USH2A: variants seen among roughly 807,000 people sequenced by gnomAD.
The protein encoded by USH2A is usherin.
In USH2A, 443 loss-of-function variants were observed where a neutral mutation model predicts 538.9. The ratio of observed to expected loss-of-function variants is 0.82; its 90% confidence interval spans 0.76 to 0.89. USH2A has a LOEUF of 0.89. Ranked by LOEUF, USH2A falls within the 40% of genes least tolerant of loss-of-function variation. The pLI is 0.00. For missense variants in USH2A, 6,633 were observed against 6,324.8 expected, an observed-to-expected ratio of 1.05 and a Z score of -1.65; for synonymous variants, 2,413 against 2,273.5, an observed-to-expected ratio of 1.06 and a Z score of -1.75.
At chr1:216,306,723 A>AGATGTGGGTGCTCCCTG (rs1216046766) in intron 9 of USH2A, among the ~76,000 whole-genome samples, 3 of 152,068 alleles carry the variant, frequency 2.0e-5, no homozygotes, top group African/African-American at 7.2e-5. Context: ...GGTGTTCCCT[A>AGATGTGGGTGCTCCCTG]GATGTGGGTG....
At chr1:215,894,915 T>A (rs1665291275) in intron 40 of USH2A, among the ~76,000 whole-genome samples, 1 of 152,176 alleles carries the variant, frequency 6.6e-6, no homozygotes, top group Admixed American at 6.5e-5. Context: ...AACTTTGATA[T>A]TAAAGTGCAC....
intron 30 of USH2A, among the ~76,000 whole-genome samples, chr1:216,052,577 G>T (rs2030827138): frequency 6.6e-6 from 1 of 152,064 alleles, no homozygotes; most frequent in Admixed American, 6.5e-5. Context: ...CAAACCAACT[G>T]ATAATTTTCC....
Position 216,304,869 on chromosome 1 carries a change from G to A in USH2A, c.1645-12499C>T, listed in dbSNP as rs548952627. On this transcript the variant is annotated intron_variant, in intron 9 of 71. Transcript: ENST00000307340. ...TCGATTTCCAATTTTATTTCACGGT[G>A]GTCTGAGAGAGTACTTGATATAATT... 6.0e-5 allele frequency among the ~76,000 whole-genome samples: 9 copies of A among 151,006 alleles called. No homozygotes were observed. In the South Asian group the frequency reaches 1.9e-3, roughly 32 times the overall value.
chr1:215,931,870 AG>A (rs1666372199), intron 38 of USH2A, among the ~76,000 whole-genome samples: 1 of 151,976 alleles, frequency 6.6e-6, no homozygotes. Flanking sequence ...TCTGGGATAC[AG>A]AAAGGCCCTA....
chr1:215,634,123 C>G (rs571093447), intron 70 of USH2A, among the ~76,000 whole-genome samples: 94 of 152,342 alleles, frequency 6.2e-4, no homozygotes, highest in African/African-American at 2.3e-3. Flanking sequence ...CTTACAATTA[C>G]AGGGCAGAGA....
intron 44 of USH2A, among the ~76,000 whole-genome samples, chr1:215,857,981 G>A (rs1480125344): frequency 2.0e-5 from 3 of 152,116 alleles, no homozygotes; most frequent in Non-Finnish European, 4.4e-5. Flanking sequence ...CCACTCAGAT[G>A]GTTGTTGGAG....
intron 37 of USH2A, among the ~76,000 whole-genome samples, chr1:215,953,602 TA>T (rs1666988189): frequency 1.3e-5 from 2 of 151,902 alleles, no homozygotes; most frequent in African/African-American, 4.8e-5. Flanking sequence ...CCTAAAACCA[TA>T]AAAACCCTAG....
At chr1:215,775,422 C>T (rs1005799524) in intron 55 of USH2A, among the ~76,000 whole-genome samples, 1 of 152,130 alleles carries the variant, frequency 6.6e-6, no homozygotes, top group African/African-American at 2.4e-5. Flanking sequence ...TAGTCAAATA[C>T]TAGTTTACTA....
In USH2A at chr1:215,743,343, G is replaced by A. The variant is rs1312489837; in HGVS notation, c.11390-8C>T. On this transcript the variant is annotated splice_region_variant and splice_polypyrimidine_tract_variant and intron_variant, in intron 58 of 71. Transcript: ENST00000307340. ...TTTCGGGGATGAGGATCCCTTTAAAGAGAGAGAGAGAGAGAGAACATTAAA... is the reference window on the plus strand; with the variant it reads ...TTTCGGGGATGAGGATCCCTTTAAAAAGAGAGAGAGAGAGAGAACATTAAA... 3 of 1,043,942 alleles carry A rather than the reference G, an allele frequency of 2.9e-6. No individual in the cohort carries two copies. Among genetic ancestry groups the A allele is most frequent in the Non-Finnish European group, 3.9e-6 (3 of 764,408 alleles). The allele number at this position is 1,043,942 out of a possible 1,614,324, so 64.7% of individuals were successfully genotyped here. A position where few individuals can be genotyped will look rare whatever the true frequency, so the allele number is the denominator to read the frequency against.
chr1:215,952,832 T>A (rs539860740), intron 37 of USH2A, among the ~76,000 whole-genome samples: 1 of 152,212 alleles, frequency 6.6e-6, no homozygotes, highest in East Asian at 1.9e-4. Flanking sequence ...TCATTTCAAC[T>A]TTGGTGAATC....
chr1:215,650,550 T>C (rs1163430772), intron 65 of USH2A, 42 bp downstream of exon 65: 3 of 1,611,256 alleles, frequency 1.9e-6, no homozygotes, highest in Non-Finnish European at 2.5e-6. Context: ...GTAATGATTT[T>C]TAAAAGTCAA....
intron 22 of USH2A, among the ~76,000 whole-genome samples, chr1:216,094,041 A>G (rs1269091304): frequency 6.6e-6 from 1 of 152,168 alleles, no homozygotes; most frequent in Non-Finnish European, 1.5e-5. Context: ...AGCTCTATAA[A>G]CAAGTGGTCC....
intron 21 of USH2A, among the ~76,000 whole-genome samples, chr1:216,109,227 A>G (rs2032808222): frequency 6.6e-6 from 1 of 152,186 alleles, no homozygotes; most frequent in Non-Finnish European, 1.5e-5. Flanking sequence ...GGAGGATAAT[A>G]GTGTAACCTG....
intron 35 of USH2A, among the ~76,000 whole-genome samples, chr1:215,972,724 C>A (rs1667527235): frequency 6.6e-6 from 1 of 152,056 alleles, no homozygotes; most frequent in Non-Finnish European, 1.5e-5. Flanking sequence ...AGTCCATTTC[C>A]CTTATTTCCA....
intron 3 of USH2A, among the ~76,000 whole-genome samples, chr1:216,378,497 T>A (rs1169935195): frequency 6.6e-6 from 1 of 152,150 alleles, no homozygotes; most frequent in African/African-American, 2.4e-5. Flanking sequence ...TAGAACAAGA[T>A]GTAGGGATGA....
chr1:215,854,198 A>G (rs1191532570), intron 44 of USH2A, among the ~76,000 whole-genome samples: 1 of 152,218 alleles, frequency 6.6e-6, no homozygotes, highest in Admixed American at 6.5e-5. Context: ...GCGGTAGACA[A>G]GAAAAGAGAG....
intron 70 of USH2A, among the ~76,000 whole-genome samples, chr1:215,629,773 C>CTTTTTTTTTTTTT (rs34349385): frequency 8.0e-6 from 1 of 125,056 alleles, no homozygotes; most frequent in African/African-American, 3.2e-5. Context: ...CTTTTCTTTT[C>CTTTTTTTTTTTTT]TTTTTTTTTT....
Position 215,771,579 on chromosome 1 carries a change from C to CAAAAAAAAAAAAAA in USH2A, c.10940-4805_10940-4792dup, listed in dbSNP as rs759067576. Among the ~76,000 whole-genome samples the CAAAAAAAAAAAAAA allele has an allele frequency of 1.0e-3, 46 of 43,998 alleles. 5 individuals carry two copies. The highest frequency in any genetic ancestry group is 1.4e-3 in the Non-Finnish European group (37 of 27,370). 28.9% of individuals were successfully genotyped at this position (43,998 alleles called of 152,430 possible). ...TGGGCGACAGAGCGAGACTCCGTCT[C>CAAAAAAAAAAAAAA]AAAAAAAAAAAAAAAAAAAAAAAAA... is the stretch of plus-strand genomic sequence containing the variant. On this transcript the variant is annotated intron_variant, in intron 55 of 71. Transcript: ENST00000307340.
chr1:216,251,997 A>T (rs2102553413), intron 11 of USH2A, among the ~76,000 whole-genome samples: 1 of 152,292 alleles, frequency 6.6e-6, no homozygotes, highest in South Asian at 2.1e-4. Context: ...CACCACATTA[A>T]ATATACTTAG....
Sources: allele counts gnomAD v4.1 joint callset (sites outside exome capture counted in the v4.1 genomes callset), GRCh38; gene constraint gnomAD v4.1.1; transcripts MANE v1.5; gene names NCBI Gene and HGNC (gene_info 2026-07-23, HGNC 2026-07-21).